The following ZNF469 variants were observed in gnomAD, a reference collection of about 807,000 sequenced individuals.
ZNF469 encodes zinc finger protein 469.
ZNF469 carries 1 observed loss-of-function variant against 1.0 expected under a neutral mutation model. That is an observed-to-expected ratio of 1.00 (90% CI 0.35 to 4.73). The LOEUF is 4.73. ZNF469 is among the 30% of genes most tolerant of loss of function. The pLI, the probability that ZNF469 is intolerant of heterozygous loss-of-function variation, is 0.16. For missense variants in ZNF469, 6,100 were observed against 5,356.3 expected (o/e 1.14, Z -4.33); for synonymous variants, 2,703 against 2,363.4 (o/e 1.14, Z -4.17).
the ZNF469 span, among the ~76,000 whole-genome samples, chr16:88,264,505 C>T: frequency 6.6e-6 from 1 of 151,178 alleles, no homozygotes; most frequent in Non-Finnish European, 1.5e-5. Context: ...TGCATGTTCA[C>T]AGAGCCATGG....
chr16:88,145,349 G>T, the ZNF469 span, among the ~76,000 whole-genome samples: 2 of 152,190 alleles, frequency 1.3e-5, no homozygotes, highest in Non-Finnish European at 2.9e-5. Context: ...GGCCCCTCGT[G>T]CTATCTCTGC....
At position 88,432,967 on chromosome 16, in the gene ZNF469, G is replaced by A; in HGVS notation, c.5497G>A (p.Gly1833Arg). The part of the protein sequence containing the change: ...FGASPSHAAQ[G>R]HSAGRAGGHL... ...TGCCAGTCCCAGCCATGCTGCCCAG[G>A]GACATTCTGCAGGCAGAGCAGGTGG... Residue 1833 changes from glycine to arginine, a missense_variant, in exon 3 of 3, where the codon GGA (glycine) becomes AGA (arginine). Gly to Arg is a moderately radical substitution (Grantham distance 125, BLOSUM62 -2). Coordinates refer to ENST00000565624, the MANE Select transcript of ZNF469 (RefSeq NM_001367624.2). 6.4e-7 allele frequency: 1 copy of A among 1,550,388 alleles called. No individual in the cohort carries two copies.
chr16:88,436,362 G>T lies in ZNF469; in HGVS notation c.8892G>T (p.Glu2964Asp), dbSNP rs1490457171. 4 of 1,550,136 alleles carry T rather than the reference G, an allele frequency of 2.6e-6. No individual in the cohort carries two copies. In the South Asian group the frequency reaches 4.8e-5, roughly 18 times the overall value. The change falls in exon 3 of 3, where the codon GAG becomes GAT. Residue 2964 changes from glutamate to aspartate, a missense_variant. Coordinates refer to ENST00000565624, the MANE Select transcript of ZNF469 (RefSeq NM_001367624.2). ...CCGGCCTCAGCCTGTGGGCCCTGGA[G>T]CCCAGCAGGGAAGCTGGTGCAGAGA... is the stretch of plus-strand genomic sequence containing the variant. ...WAPGLSLWAL[E>D]PSREAGAEKL...
At chr16:88,401,767 A>G (rs1487467586) in intron 1 of ZNF469, among the ~76,000 whole-genome samples, 1 of 147,678 alleles carries the variant, frequency 6.8e-6, no homozygotes, top group East Asian at 2.1e-4. Context: ...GGATGGGTAG[A>G]TGGATGGATG....
the ZNF469 span, among the ~76,000 whole-genome samples, chr16:88,119,663 C>G: frequency 2.6e-5 from 4 of 152,152 alleles, no homozygotes; most frequent in African/African-American, 9.7e-5. Context: ...CGGGTCCAGC[C>G]GTTTGGGTGG....
At chr16:88,359,011 T>C in the ZNF469 span, among the ~76,000 whole-genome samples, 2 of 152,216 alleles carry the variant, frequency 1.3e-5, no homozygotes, top group African/African-American at 4.8e-5. Context: ...TTCACTCACT[T>C]CTACGGGGAC....
the ZNF469 span, among the ~76,000 whole-genome samples, chr16:88,222,942 C>G: frequency 6.6e-6 from 1 of 152,198 alleles, no homozygotes; most frequent in East Asian, 1.9e-4. Flanking sequence ...CCTACAGCAC[C>G]CAGCACCTGG....
the ZNF469 span, among the ~76,000 whole-genome samples, chr16:88,244,339 T>G: frequency 7.9e-4 from 78 of 98,788 alleles, no homozygotes; most frequent in Middle Eastern, 0.01. Flanking sequence ...ATGAGTGGGT[T>G]AGTGGATGGG....
chr16:88,366,013 A>C, the ZNF469 span, among the ~76,000 whole-genome samples: 2 of 152,206 alleles, frequency 1.3e-5, no homozygotes, highest in African/African-American at 4.8e-5. Context: ...GTTACAATTA[A>C]GATAATGTAG....
chr16:88,361,116 G>T, the ZNF469 span, among the ~76,000 whole-genome samples: 1 of 152,112 alleles, frequency 6.6e-6, no homozygotes, highest in South Asian at 2.1e-4. Context: ...AGATCATCAG[G>T]CATTAGATTC....
At chr16:88,173,421 CA>C in the ZNF469 span, among the ~76,000 whole-genome samples, 1 of 151,968 alleles carries the variant, frequency 6.6e-6, no homozygotes, top group Non-Finnish European at 1.5e-5. Flanking sequence ...CTATTTTATA[CA>C]AATAAAAACT....
the ZNF469 span, among the ~76,000 whole-genome samples, chr16:88,251,555 T>G: frequency 4.9e-4 from 48 of 98,362 alleles, 3 homozygotes; most frequent in East Asian, 2.1e-3. Flanking sequence ...TTTTTTTTTT[T>G]TTTTTTTTTT....
At chr16:88,360,754 C>G in the ZNF469 span, among the ~76,000 whole-genome samples, 2 of 141,646 alleles carry the variant, frequency 1.4e-5, no homozygotes, top group African/African-American at 5.4e-5. Flanking sequence ...AGGCAGTCCA[C>G]CCCCAGACAG....
the ZNF469 span, among the ~76,000 whole-genome samples, chr16:88,248,230 G>A: frequency 7.2e-5 from 11 of 152,178 alleles, no homozygotes; most frequent in South Asian, 4.1e-4. Context: ...TGCCTTCAAC[G>A]TAGAAGTGCA....
the ZNF469 span, among the ~76,000 whole-genome samples, chr16:88,103,734 G>A: frequency 1.3e-5 from 2 of 152,112 alleles, no homozygotes; most frequent in South Asian, 2.1e-4. Context: ...GCACGAGGGA[G>A]CGGTGGAATA....
chr16:88,381,301 T>C (rs11861357), upstream of ZNF469, among the ~76,000 whole-genome samples: 65,812 of 140,138 alleles, frequency 0.47, 15,873 homozygotes, highest in East Asian at 0.72. Flanking sequence ...CTCACACACA[T>C]GCACTCATGC....
chr16:88,251,256 A>C, the ZNF469 span, among the ~76,000 whole-genome samples: 2 of 151,912 alleles, frequency 1.3e-5, no homozygotes, highest in Non-Finnish European at 2.9e-5. Flanking sequence ...TCTCTGTGAA[A>C]CCCATTATCT....
At chr16:88,373,031 C>A in the ZNF469 span, among the ~76,000 whole-genome samples, 909 of 152,198 alleles carry the variant, frequency 6.0e-3, 9 homozygotes, top group African/African-American at 0.02. Flanking sequence ...CGCCATCATC[C>A]TCTTCATCCC....
At chr16:88,336,890 C>T in the ZNF469 span, among the ~76,000 whole-genome samples, 1 of 152,196 alleles carries the variant, frequency 6.6e-6, no homozygotes, top group African/African-American at 2.4e-5. Context: ...CCCTGGCCAC[C>T]CCGAGTCTAC....
Sources: allele counts gnomAD v4.1 joint callset (sites outside exome capture counted in the v4.1 genomes callset), GRCh38; gene constraint gnomAD v4.1.1; transcripts MANE v1.5; gene names NCBI Gene and HGNC (gene_info 2026-07-23, HGNC 2026-07-21).